TENM1: variants seen among roughly 807,000 people sequenced by gnomAD.
TENM1 encodes the protein teneurin-1.
Under a neutral mutation model 174.8 loss-of-function variants are expected in TENM1, and 35 were observed. The observed-to-expected ratio is 0.20, with a 90% CI of 0.15 to 0.27. The LOEUF (loss-of-function observed/expected upper bound fraction) is 0.27. TENM1 is among the 10% of genes least tolerant of loss of function. The pLI, the probability that TENM1 is intolerant of heterozygous loss-of-function variation, is 1.00. For missense variants in TENM1, 1,633 were observed against 2,130.1 expected (o/e 0.77, Z 4.59); for synonymous variants, 781 against 798.7 (o/e 0.98, Z 0.37).
the TENM1 span, among the ~76,000 whole-genome samples, chrX:125,201,482 A>G: frequency 8.9e-6 from 1 of 112,058 alleles, no homozygotes; most frequent in African/African-American, 3.2e-5. Context: ...CCTAAACCTA[A>G]TGGAAAATAC....
the TENM1 span, among the ~76,000 whole-genome samples, chrX:124,974,888 C>T: frequency 1.4e-5 from 1 of 72,727 alleles, no homozygotes; most frequent in African/African-American, 5.5e-5. Flanking sequence ...GGGACTGACA[C>T]TATATATATA....
chrX:124,725,996 C>T (rs993200190), intron 4 of TENM1, among the ~76,000 whole-genome samples: 7 of 111,544 alleles, frequency 6.3e-5, no homozygotes, highest in African/African-American at 3.3e-5. Flanking sequence ...TAAATATAGT[C>T]GGTATAGGGA....
chrX:124,877,600 A>G (rs915739481), intron 3 of TENM1, among the ~76,000 whole-genome samples: 2 of 111,801 alleles, frequency 1.8e-5, no homozygotes, highest in Non-Finnish European at 3.8e-5. Context: ...CTGCATATCT[A>G]TCAGAGTGCA....
the TENM1 span, among the ~76,000 whole-genome samples, chrX:125,007,408 T>C: frequency 9.1e-6 from 1 of 109,922 alleles, no homozygotes; most frequent in Non-Finnish European, 1.9e-5. Context: ...CTACAATTGA[T>C]TGGAGTATCT....
chrX:125,044,836 G>C, the TENM1 span, among the ~76,000 whole-genome samples: 1 of 111,389 alleles, frequency 9.0e-6, no homozygotes, highest in Non-Finnish European at 1.9e-5. Context: ...AAATTTGTTA[G>C]AACATACAAC....
At chrX:125,155,352 T>C in the TENM1 span, among the ~76,000 whole-genome samples, 3 of 111,803 alleles carry the variant, frequency 2.7e-5, no homozygotes, top group Admixed American at 9.4e-5. Flanking sequence ...ATCCCTGAGC[T>C]AGACATAAAG....
At chrX:124,884,462 T>G (rs1003450456) in intron 3 of TENM1, among the ~76,000 whole-genome samples, 1 of 110,951 alleles carries the variant, frequency 9.0e-6, no homozygotes, top group Admixed American at 9.5e-5. Context: ...TTCCCTATGT[T>G]AGTCTCAGGG....
intron 4 of TENM1, among the ~76,000 whole-genome samples, chrX:124,735,186 A>G (rs1018307362): frequency 8.9e-6 from 1 of 112,426 alleles, no homozygotes; most frequent in South Asian, 3.7e-4. Context: ...AAATATTTGC[A>G]AACAATGCAT....
At chrX:124,905,505 C>T (rs188778810) in intron 1 of TENM1, among the ~76,000 whole-genome samples, 42 of 111,591 alleles carry the variant, frequency 3.8e-4, no homozygotes, top group East Asian at 2.0e-3. Flanking sequence ...ATGACAACAA[C>T]GAAAGCCACA....
intron 1 of TENM1, among the ~76,000 whole-genome samples, chrX:124,915,530 GA>G (rs1051280656): frequency 3.6e-5 from 4 of 112,191 alleles, no homozygotes; most frequent in African/African-American, 1.3e-4. Context: ...GTCTCAAAAA[GA>G]AAAAAAGTAA....
chrX:124,648,392 C>T (rs1247965425), intron 8 of TENM1, among the ~76,000 whole-genome samples: 6 of 112,251 alleles, frequency 5.3e-5, no homozygotes, highest in Non-Finnish European at 9.4e-5. Flanking sequence ...TATGTGAACA[C>T]ATGCCTTTTG....
intron 11 of TENM1, among the ~76,000 whole-genome samples, chrX:124,592,826 C>T (rs1258130234): frequency 9.5e-6 from 1 of 105,178 alleles, no homozygotes; most frequent in Non-Finnish European, 1.9e-5. Context: ...GGTGTGACTG[C>T]AGAGAATGCT....
chrX:125,004,328 C>G, the TENM1 span, among the ~76,000 whole-genome samples: 1 of 111,821 alleles, frequency 8.9e-6, no homozygotes, highest in Non-Finnish European at 1.9e-5. Context: ...TTGGGAATTA[C>G]TATGTCAGGG....
chrX:125,182,294 T>G, the TENM1 span, among the ~76,000 whole-genome samples: 1 of 110,140 alleles, frequency 9.1e-6, no homozygotes, highest in South Asian at 4.1e-4. Flanking sequence ...TGTAGTTACA[T>G]TGGGCCCACA....
chrX:125,193,785 T>A, the TENM1 span, among the ~76,000 whole-genome samples: 3 of 110,469 alleles, frequency 2.7e-5, no homozygotes, highest in South Asian at 3.9e-4. Flanking sequence ...TATCTTCAGA[T>A]CTGTATTTTT....
At chrX:124,655,980 G>T (rs1463374698) in intron 6 of TENM1, among the ~76,000 whole-genome samples, 2 of 112,122 alleles carry the variant, frequency 1.8e-5, no homozygotes, top group Non-Finnish European at 3.8e-5. Flanking sequence ...CCATGTTTAT[G>T]TGGCACTTCT....
the TENM1 span, among the ~76,000 whole-genome samples, chrX:125,006,030 C>T: frequency 9.0e-6 from 1 of 111,504 alleles, no homozygotes. Flanking sequence ...CGCCCACTCC[C>T]CTGGAAAGGG....
chrX:124,586,551 G>A (rs2049520046), intron 11 of TENM1, among the ~76,000 whole-genome samples: 1 of 110,762 alleles, frequency 9.0e-6, no homozygotes, highest in Admixed American at 9.6e-5. Flanking sequence ...AATAATAAGA[G>A]CTATCTATGA....
At chrX:124,518,719 T>C (rs1380920551) in intron 18 of TENM1, among the ~76,000 whole-genome samples, 2 of 111,787 alleles carry the variant, frequency 1.8e-5, no homozygotes, top group Non-Finnish European at 3.8e-5. Flanking sequence ...ATGGAGAAAC[T>C]GTGGCATTTG....
Sources: gnomAD v4.1 joint callset for allele counts (sites outside exome capture counted in the v4.1 genomes callset) on GRCh38, gnomAD v4.1.1 for gene constraint, MANE v1.5 for transcripts, NCBI Gene and HGNC (gene_info 2026-07-23, HGNC 2026-07-21) for gene names.